The following IGF1R variants were observed in gnomAD, a reference collection of about 807,000 sequenced individuals.
The protein encoded by IGF1R is insulin like growth factor 1 receptor.
Under a neutral mutation model 144.6 loss-of-function variants are expected in IGF1R, and 44 were observed. The ratio of observed to expected loss-of-function variants is 0.30; its 90% CI spans 0.24 to 0.39. IGF1R has a LOEUF of 0.39. IGF1R is among the 10% of genes least tolerant of loss of function. The pLI is 1.00. For synonymous variants in IGF1R, 795 were observed against 722.8 expected (o/e 1.10, Z -1.60); for missense variants, 1,355 against 1,833.7 (o/e 0.74, Z 4.77).
chr15:98,792,084 G>T (rs1241382649), intron 2 of IGF1R, among the ~76,000 whole-genome samples: 1 of 152,118 alleles, frequency 6.6e-6, no homozygotes, highest in East Asian at 1.9e-4. Context: ...ACCCTATAAG[G>T]TCCCCAAATT....
At chr15:98,657,742 T>C (rs995247883) in intron 1 of IGF1R, among the ~76,000 whole-genome samples, 3 of 152,234 alleles carry the variant, frequency 2.0e-5, no homozygotes, top group Non-Finnish European at 4.4e-5. Context: ...GGATTTTCTT[T>C]CTCACATGCA....
chr15:98,847,197 G>C (rs552255625), intron 2 of IGF1R, among the ~76,000 whole-genome samples: 2 of 152,096 alleles, frequency 1.3e-5, no homozygotes, highest in Non-Finnish European at 2.9e-5. Flanking sequence ...GGCTGGTCTC[G>C]AACTCCTGAC....
chr15:98,801,496 C>T (rs1013091493), intron 2 of IGF1R, among the ~76,000 whole-genome samples: 22 of 152,224 alleles, frequency 1.4e-4, no homozygotes, highest in African/African-American at 4.6e-4. Context: ...CAGTGGGCCT[C>T]ATTCCTCACA....
intron 9 of IGF1R, 114 bp from the exon 10 acceptor site, chr15:98,916,558 G>A (rs2015259463): frequency 1.0e-6 from 1 of 975,758 alleles, no homozygotes; most frequent in Non-Finnish European, 1.6e-6. Context: ...CACCACATCT[G>A]GCCGAGACCA....
At position 98,963,438 on chromosome 15, in the gene IGF1R, C is replaced by A; in HGVS notation, c.*5996C>A. 4.3e-6 allele frequency: 1 copy of A among 233,258 alleles called. No homozygotes were observed. Among genetic ancestry groups the A allele is most frequent in the East Asian group, 6.0e-5 (1 of 16,592 alleles). 14.4% of individuals were successfully genotyped at this position (233,258 alleles called of 1,614,324 possible). ...GGGAAGGGGATCATTTTTTACTGGT[C>A]ATTTCCCTTTGGAGTGTAGCTACTT... On this transcript the variant is annotated 3_prime_UTR_variant, in exon 21 of 21. Coordinates refer to ENST00000650285, the MANE Select transcript of IGF1R (RefSeq NM_000875.5).
chr15:98,781,050 A>G (rs2055850243), intron 2 of IGF1R, among the ~76,000 whole-genome samples: 1 of 152,208 alleles, frequency 6.6e-6, no homozygotes, highest in African/African-American at 2.4e-5. Context: ...TGAGCCCAGG[A>G]GGTCAAGACT....
intron 1 of IGF1R, among the ~76,000 whole-genome samples, chr15:98,653,624 A>T (rs1239892166): frequency 6.6e-6 from 1 of 152,260 alleles, no homozygotes; most frequent in Non-Finnish European, 1.5e-5. Context: ...AAAGGTTTTA[A>T]AATGTGGCAA....
intron 2 of IGF1R, among the ~76,000 whole-genome samples, chr15:98,838,069 CAG>C (rs1382306200): frequency 6.6e-6 from 1 of 152,142 alleles, no homozygotes; most frequent in Non-Finnish European, 1.5e-5. Flanking sequence ...TCTTTACTAA[CAG>C]ACTTTATTTA....
intron 2 of IGF1R, among the ~76,000 whole-genome samples, chr15:98,768,318 G>A (rs1567119026): frequency 6.6e-6 from 1 of 152,166 alleles, no homozygotes; most frequent in Non-Finnish European, 1.5e-5. Flanking sequence ...AAATTTTAAA[G>A]TAAAAGTGCA....
intron 13 of IGF1R, among the ~76,000 whole-genome samples, chr15:98,925,364 C>G (rs1463954917): frequency 6.6e-6 from 1 of 152,206 alleles, no homozygotes; most frequent in Non-Finnish European, 1.5e-5. Context: ...GCAACAAGGG[C>G]CACATACTTG....
chr15:98,685,318 G>C (rs2053298631), intron 1 of IGF1R, among the ~76,000 whole-genome samples: 1 of 152,180 alleles, frequency 6.6e-6, no homozygotes, highest in South Asian at 2.1e-4. Context: ...CCTGGAAAGT[G>C]GGTGGACACG....
Position 98,943,971 on chromosome 15 carries a change from A to G in IGF1R, c.3587+919A>G, listed in dbSNP as rs116540841. 5.2e-3 allele frequency among the ~76,000 whole-genome samples: 793 copies of G among 152,282 alleles called. 8 individuals are homozygous for G. Among genetic ancestry groups the G allele is most frequent in the African/African-American group, 0.018 (749 of 41,540 alleles). On this transcript the variant is annotated intron_variant, in intron 19 of 20. Transcript: ENST00000650285. ...TGCAAATTGGAAATAGCATTTGAAT[A>G]TGACCCGGCAAAGCATGATTGCTTC...
Position 98,805,503 on chromosome 15 carries a change from GGTGT to G in IGF1R, c.641-85806_641-85803del, listed in dbSNP as rs58675410. 1.3e-4 allele frequency among the ~76,000 whole-genome samples: 19 copies of G among 150,158 alleles called. No individual in the cohort carries two copies. The South Asian group carries it at 3.6e-3, about 28-fold the overall frequency. On this transcript the variant is annotated intron_variant, in intron 2 of 20. Transcript: ENST00000650285. ...TCCAAAAGGGTGCCTGTGTGTGTAT[GGTGT>G]GTGTGTGTGTGTGTGATTCAGAGCA...
At chr15:98,786,681 G>T (rs1028337759) in intron 2 of IGF1R, among the ~76,000 whole-genome samples, 2 of 152,180 alleles carry the variant, frequency 1.3e-5, no homozygotes, top group African/African-American at 4.8e-5. Flanking sequence ...GGGGAAGAAA[G>T]TCCAGGTTTG....
intron 1 of IGF1R, among the ~76,000 whole-genome samples, chr15:98,650,723 T>G (rs1229946039): frequency 6.6e-6 from 1 of 152,194 alleles, no homozygotes; most frequent in Non-Finnish European, 1.5e-5. Context: ...GTGTTGTGTT[T>G]TGCGAGCGCG....
chr15:98,874,434 T>C (rs754114028), intron 2 of IGF1R, among the ~76,000 whole-genome samples: 49 of 152,318 alleles, frequency 3.2e-4, no homozygotes, highest in Admixed American at 8.5e-4. Flanking sequence ...CATTTCAACA[T>C]TTCCAACAGT....
intron 20 of IGF1R, among the ~76,000 whole-genome samples, chr15:98,952,109 G>C (rs562976503): frequency 7.2e-5 from 11 of 152,290 alleles, no homozygotes; most frequent in African/African-American, 2.6e-4. Flanking sequence ...CTGTGCCCTA[G>C]AGTAAAAGAT....
chr15:98,693,864 C>G (rs1332126303), intron 1 of IGF1R, among the ~76,000 whole-genome samples: 1 of 152,190 alleles, frequency 6.6e-6, no homozygotes, highest in African/African-American at 2.4e-5. Flanking sequence ...CCTCAGCCTC[C>G]CAAAGTGCTG....
chr15:98,650,883 G>A lies in IGF1R; in HGVS notation c.94+1208G>A, dbSNP rs906418457. On this transcript the variant is annotated intron_variant, in intron 1 of 20. Transcript: ENST00000650285. ...AGCTTTTGTTTTGGTGGTGTCGGGT[G>A]GGGGTTAGTAGGGAAGCGCGGGGAT... is the stretch of plus-strand genomic sequence containing the variant. 4 of 982,904 alleles carry A rather than the reference G, an allele frequency of 4.1e-6. No individual in the cohort carries two copies. The Admixed American group carries it at 1.8e-4, about 45-fold the overall frequency. The allele number at this position is 982,904 out of a possible 1,614,324, so 60.9% of individuals were successfully genotyped here.
Sources: allele counts gnomAD v4.1 joint callset (sites outside exome capture counted in the v4.1 genomes callset), GRCh38; gene constraint gnomAD v4.1.1; transcripts MANE v1.5; gene names NCBI Gene and HGNC (gene_info 2026-07-23, HGNC 2026-07-21).